Variants in TECRL observed in about 807,000 individuals in gnomAD.
TECRL encodes the protein trans-2,3-enoyl-CoA reductase like, also known as trans-2,3-enoyl-CoA reductase-like.
A neutral mutation model predicts 52.8 loss-of-function variants in TECRL; 63 were observed. That is an observed-to-expected ratio of 1.19 (90% CI 0.97 to 1.47). The LOEUF (loss-of-function observed/expected upper bound fraction) is 1.47, where lower values mean the gene tolerates loss of function less well. TECRL is among the 40% of genes most tolerant of loss of function. The pLI, the probability that TECRL is intolerant of heterozygous loss-of-function variation, is 0.00. For missense variants in TECRL, 482 were observed against 429.6 expected (o/e 1.12, Z -1.08); for synonymous variants, 164 against 141.9 (o/e 1.16, Z -1.10).
intron 2 of TECRL, among the ~76,000 whole-genome samples, chr4:64,370,037 T>C (rs1721875492): frequency 6.6e-6 from 1 of 150,668 alleles, no homozygotes; most frequent in Non-Finnish European, 1.5e-5. Context: ...AAGTGGAGGG[T>C]TTTAAACAGA....
intron 2 of TECRL, among the ~76,000 whole-genome samples, chr4:64,358,106 A>C (rs915860271): frequency 5.8e-4 from 88 of 151,650 alleles, no homozygotes; most frequent in African/African-American, 2.0e-3. Context: ...AAAAAACGAA[A>C]AAAAAAAGAC....
At chr4:64,283,645 G>A (rs548315660) in intron 9 of TECRL, among the ~76,000 whole-genome samples, 13 of 152,152 alleles carry the variant, frequency 8.5e-5, no homozygotes, top group African/African-American at 2.9e-4. Flanking sequence ...TAGATAGTAT[G>A]CAAAGAGGCT....
At chr4:64,393,240 C>A (rs748887108) in intron 1 of TECRL, among the ~76,000 whole-genome samples, 23 of 151,968 alleles carry the variant, frequency 1.5e-4, no homozygotes, top group Non-Finnish European at 1.8e-4. Context: ...TGACTGAAAT[C>A]TTTGGCAAAA....
chr4:64,305,875 G>T (rs1724306927), intron 6 of TECRL, among the ~76,000 whole-genome samples: 1 of 152,142 alleles, frequency 6.6e-6, no homozygotes, highest in South Asian at 2.1e-4. Context: ...TGAGGACTCA[G>T]ACCCATTTCT....
intron 1 of TECRL, among the ~76,000 whole-genome samples, chr4:64,407,222 A>G (rs1724793514): frequency 6.6e-6 from 1 of 152,066 alleles, no homozygotes; most frequent in African/African-American, 2.4e-5. Flanking sequence ...TCCTCTATTT[A>G]GCCTGCTAAG....
At chr4:64,301,498 GAA>G (rs1047599290) in intron 7 of TECRL, among the ~76,000 whole-genome samples, 1 of 151,162 alleles carries the variant, frequency 6.6e-6, no homozygotes, top group African/African-American at 2.4e-5. Context: ...GCGCTTGTGA[GAA>G]AGTACACACA....
At chr4:64,309,227 CT>C (rs935905650) in intron 6 of TECRL, among the ~76,000 whole-genome samples, 3 of 152,042 alleles carry the variant, frequency 2.0e-5, no homozygotes, top group Admixed American at 1.3e-4. Flanking sequence ...AAACAGGACA[CT>C]TTTTTTACAG....
Position 64,279,861 on chromosome 4 carries a change from G to C in TECRL, c.*211C>G. The C allele has an allele frequency of 1.8e-6, 2 of 1,095,994 alleles. No individual in the cohort carries two copies. Among genetic ancestry groups the C allele is most frequent in the Non-Finnish European group, 2.2e-6 (2 of 901,722 alleles). 67.9% of individuals were successfully genotyped at this position (1,095,994 alleles called of 1,614,324 possible). Reference sequence around the variant, plus strand: ...CCAATCCCATGCAAATACATTCAGAGCTGTTCTTAGTTAATTGCATTTATA... The same window carrying C: ...CCAATCCCATGCAAATACATTCAGACCTGTTCTTAGTTAATTGCATTTATA... On this transcript the variant is annotated 3_prime_UTR_variant, in exon 12 of 12. Coordinates refer to ENST00000381210, the MANE Select transcript of TECRL (RefSeq NM_001010874.5).
chr4:64,345,923 A>AAAAAAAAAAAAAAAAAAC (rs1560516713), intron 2 of TECRL, among the ~76,000 whole-genome samples: 3 of 145,212 alleles, frequency 2.1e-5, no homozygotes, highest in East Asian at 4.1e-4. Context: ...AAAAAAAAAA[A>AAAAAAAAAAAAAAAAAAC]AAAAAAAACA....
At chr4:64,305,409 A>C (rs965327756) in intron 6 of TECRL, among the ~76,000 whole-genome samples, 171 bp from the exon 7 acceptor site, 2 of 152,172 alleles carry the variant, frequency 1.3e-5, no homozygotes, top group African/African-American at 4.8e-5. Flanking sequence ...AAGCTAAATA[A>C]ACAGAATATT....
intron 1 of TECRL, among the ~76,000 whole-genome samples, chr4:64,404,236 A>AAAC (rs1724561696): frequency 6.7e-6 from 1 of 150,286 alleles, no homozygotes; most frequent in South Asian, 2.1e-4. Flanking sequence ...AAAAAAAAAA[A>AAAC]CAATAGGAGA....
chr4:64,402,449 CCTAA>C (rs1268913231), intron 1 of TECRL, among the ~76,000 whole-genome samples: 1 of 151,944 alleles, frequency 6.6e-6, no homozygotes, highest in African/African-American at 2.4e-5. Flanking sequence ...AATGCCCACT[CCTAA>C]CTATTGGATT....
intron 3 of TECRL, among the ~76,000 whole-genome samples, chr4:64,327,962 T>A (rs926336556): frequency 7.2e-5 from 11 of 152,036 alleles, no homozygotes; most frequent in Admixed American, 7.2e-4. Flanking sequence ...AACTCCAAAT[T>A]TAAAATAAAG....
At position 64,322,772 on chromosome 4, in the gene TECRL, A is replaced by G. The variant is rs773666554; in HGVS notation, c.352T>C (p.Tyr118His). 1.2e-6 allele frequency: 2 copies of G among 1,607,106 alleles called. No individual in the cohort carries two copies. The highest frequency in any genetic ancestry group is 1.7e-6 in the Non-Finnish European group (2 of 1,176,906). ...GCTGCAATACTTTGAATGGTAATGT[A>G]GTCCTTCAAAAAAGGCCCGCCTAAA... ...LECGGPFLKD[Y>H]ITIQSIAASS... The change falls in exon 4 of 12, where the codon TAC becomes CAC. Residue 118 changes from tyrosine to histidine, a missense_variant. Transcript: ENST00000381210.
At chr4:64,337,690 G>A (rs1719212872) in intron 2 of TECRL, among the ~76,000 whole-genome samples, 2 of 152,050 alleles carry the variant, frequency 1.3e-5, no homozygotes, top group South Asian at 4.1e-4. Context: ...GCTTCAAAGA[G>A]AATAAAATAC....
At chr4:64,388,790 A>T (rs1163755514) in intron 1 of TECRL, among the ~76,000 whole-genome samples, 1 of 151,896 alleles carries the variant, frequency 6.6e-6, no homozygotes. Flanking sequence ...AGTAATGAAA[A>T]TTACATAAAT....
chr4:64,296,471 A>AAACT (rs1438480216), intron 8 of TECRL, among the ~76,000 whole-genome samples: 2 of 151,876 alleles, frequency 1.3e-5, no homozygotes, highest in African/African-American at 4.8e-5. Context: ...CACAGAGGCA[A>AAACT]AACTAGGGAA....
intron 2 of TECRL, among the ~76,000 whole-genome samples, chr4:64,350,732 T>TA (rs1720327975): frequency 6.6e-6 from 1 of 151,770 alleles, no homozygotes. Flanking sequence ...CGAACAGCAA[T>TA]TTTTCCCTGA....
chr4:64,281,194 A>G (rs1722807123), intron 10 of TECRL, 108 bp from the exon 11 acceptor site: 9 of 673,848 alleles, frequency 1.3e-5, no homozygotes, highest in Middle Eastern at 4.0e-4. Flanking sequence ...GAAAACTTAT[A>G]GATAGGAATA....
Sources: allele counts gnomAD v4.1 joint callset (sites outside exome capture counted in the v4.1 genomes callset), GRCh38; gene constraint gnomAD v4.1.1; transcripts MANE v1.5; gene names NCBI Gene and HGNC (gene_info 2026-07-23, HGNC 2026-07-21).